LSM14A: variants seen among roughly 807,000 people sequenced by gnomAD.
LSM14A encodes LSM14A mRNA processing body assembly factor, also known as protein LSM14 homolog A.
LSM14A carries 14 observed loss-of-function variants against 52.4 expected under a neutral mutation model. That is an observed-to-expected ratio of 0.27 (90% CI 0.18 to 0.42). The LOEUF (loss-of-function observed/expected upper bound fraction) is 0.42, where lower values mean the gene tolerates loss of function less well. LSM14A is among the 10% of genes least tolerant of loss of function. The pLI is 1.00. For synonymous variants in LSM14A, 185 were observed against 200.3 expected (o/e 0.92, Z 0.64); for missense variants, 417 against 581.8 (o/e 0.72, Z 2.91).
chr19:34,225,539 G>T (rs1395010108), intron 9 of LSM14A, among the ~76,000 whole-genome samples: 12 of 152,104 alleles, frequency 7.9e-5, no homozygotes, highest in Admixed American at 7.9e-4. Context: ...TGTGGTTTGG[G>T]GGTAAGCATA....
intron 3 of LSM14A, among the ~76,000 whole-genome samples, chr19:34,205,487 C>CAAAAAAAAAAAAA (rs140536208): frequency 1.1e-5 from 1 of 95,186 alleles, no homozygotes; most frequent in African/African-American, 3.6e-5. Context: ...CTCCATCTCA[C>CAAAAAAAAAAAAA]AAAAAAAAAA....
intron 1 of LSM14A, among the ~76,000 whole-genome samples, chr19:34,192,801 C>A (rs1294628413): frequency 6.6e-6 from 1 of 151,606 alleles, no homozygotes; most frequent in Admixed American, 6.6e-5. Flanking sequence ...ATAGTGAAAC[C>A]CCATCTCCGC....
chr19:34,207,573 C>A (rs143980571), intron 3 of LSM14A, among the ~76,000 whole-genome samples: 1,984 of 151,372 alleles, frequency 0.013, 40 homozygotes, highest in African/African-American at 0.045. Context: ...ACTCTGTCAC[C>A]CAGGCTGGAG....
At chr19:34,184,149 G>A (rs950304235) in intron 1 of LSM14A, among the ~76,000 whole-genome samples, 4 of 148,278 alleles carry the variant, frequency 2.7e-5, no homozygotes, top group South Asian at 4.3e-4. Context: ...TCTGCCTCCC[G>A]GGTTCAAGTG....
chr19:34,207,977 C>T (rs1486150577), intron 3 of LSM14A, among the ~76,000 whole-genome samples: 2 of 152,038 alleles, frequency 1.3e-5, no homozygotes, highest in East Asian at 3.9e-4. Flanking sequence ...GAGCAAATTG[C>T]AAGGGGCATG....
At chr19:34,203,924 C>G (rs1244764038) in intron 3 of LSM14A, among the ~76,000 whole-genome samples, 1 of 128,008 alleles carries the variant, frequency 7.8e-6, no homozygotes, top group African/African-American at 3.0e-5. Flanking sequence ...AAAAAAAAGA[C>G]AAGGCCCAAC....
chr19:34,191,077 C>G (rs1362168748), intron 1 of LSM14A, among the ~76,000 whole-genome samples: 3 of 152,066 alleles, frequency 2.0e-5, no homozygotes, highest in Non-Finnish European at 4.4e-5. Context: ...TGCTGTAGTA[C>G]TTTTTCATGA....
At chr19:34,214,742 G>A (rs144047198) in intron 4 of LSM14A, among the ~76,000 whole-genome samples, 13 of 151,762 alleles carry the variant, frequency 8.6e-5, no homozygotes, top group Admixed American at 5.9e-4. Context: ...TGTCATTGGC[G>A]AAAGCCTGTG....
intron 9 of LSM14A, among the ~76,000 whole-genome samples, chr19:34,222,110 A>C (rs1433623088): frequency 6.6e-6 from 1 of 152,220 alleles, no homozygotes; most frequent in Non-Finnish European, 1.5e-5. Flanking sequence ...AACTTATTTA[A>C]ACTGCACATC....
At chr19:34,206,897 G>C (rs886514851) in intron 3 of LSM14A, among the ~76,000 whole-genome samples, 2 of 152,128 alleles carry the variant, frequency 1.3e-5, no homozygotes, top group African/African-American at 4.8e-5. Context: ...TCAGGACTGC[G>C]AAGCTGCAAC....
Position 34,227,677 on chromosome 19 carries a change from A to G in LSM14A, c.*289A>G, listed in dbSNP as rs2073411338. ...TAAAGCAGTACTTCAGTGGGACTTAACAAGTATTTTTTCATCACTGAAAGG... is the reference window on the plus strand; with the variant it reads ...TAAAGCAGTACTTCAGTGGGACTTAGCAAGTATTTTTTCATCACTGAAAGG... On this transcript the variant is annotated 3_prime_UTR_variant, in exon 10 of 10. Transcript: ENST00000544216. The G allele has an allele frequency of 2.9e-6, 1 of 342,190 alleles. No individual in the cohort carries two copies. Among genetic ancestry groups the G allele is most frequent in the Non-Finnish European group, 5.2e-6 (1 of 191,986 alleles). 21.2% of individuals were successfully genotyped at this position (342,190 alleles called of 1,614,324 possible).
intron 3 of LSM14A, among the ~76,000 whole-genome samples, chr19:34,203,484 T>C (rs1018404932): frequency 2.6e-5 from 4 of 151,952 alleles, no homozygotes; most frequent in African/African-American, 9.7e-5. Flanking sequence ...GTTTCAACCA[T>C]TATGGATGTT....
intron 1 of LSM14A, among the ~76,000 whole-genome samples, chr19:34,180,799 A>G (rs2069425240): frequency 6.6e-6 from 1 of 152,232 alleles, no homozygotes; most frequent in Non-Finnish European, 1.5e-5. Context: ...GATTATATCA[A>G]CACAGATGTG....
intron 1 of LSM14A, among the ~76,000 whole-genome samples, chr19:34,178,595 C>T (rs1323772898): frequency 6.6e-6 from 1 of 152,184 alleles, no homozygotes; most frequent in East Asian, 1.9e-4. Flanking sequence ...TCTGTCTTCA[C>T]CTTCCCCTTC....
intron 6 of LSM14A, among the ~76,000 whole-genome samples, chr19:34,216,793 C>G (rs1224035890): frequency 6.6e-6 from 1 of 152,148 alleles, no homozygotes; most frequent in African/African-American, 2.4e-5. Flanking sequence ...TGAGTATTTC[C>G]TGCTAGAAGG....
At chr19:34,213,706 C>G (rs1246116081) in intron 4 of LSM14A, among the ~76,000 whole-genome samples, 1 of 152,214 alleles carries the variant, frequency 6.6e-6, no homozygotes, top group Non-Finnish European at 1.5e-5. Flanking sequence ...TTCTTCAGTT[C>G]ATGCTGTGAC....
chr19:34,194,758 C>T, intron 2 of LSM14A, 117 bp downstream of exon 2: 2 of 892,308 alleles, frequency 2.2e-6, no homozygotes, highest in Non-Finnish European at 3.6e-6. Context: ...TACTGGGATA[C>T]CTGAAATTAC....
intron 1 of LSM14A, among the ~76,000 whole-genome samples, chr19:34,191,078 T>C (rs1216129837): frequency 6.6e-6 from 1 of 152,226 alleles, no homozygotes; most frequent in Non-Finnish European, 1.5e-5. Context: ...GCTGTAGTAC[T>C]TTTTCATGAC....
In LSM14A at chr19:34,221,712, C is replaced by T. The variant is rs1017660295; in HGVS notation, c.1342C>T (p.Arg448Trp). The T allele has an allele frequency of 6.2e-6, 10 of 1,612,820 alleles. No individual in the cohort carries two copies. Among genetic ancestry groups the T allele is most frequent in the Non-Finnish European group, 7.6e-6 (9 of 1,179,196 alleles). ...TGGATTCAGAGGAGGTCGTGGGGGC[C>T]GGGAGTTTGCGGATTTTGAATATAG... is the stretch of plus-strand genomic sequence containing the variant. ...RGGFRGGRGG[R>W]EFADFEYRKD... Residue 448 changes from arginine to tryptophan, a missense_variant, in exon 9 of 10, where the codon CGG becomes TGG. Arg to Trp is a moderately radical substitution (Grantham distance 101, BLOSUM62 -3). Transcript: ENST00000544216.
Sources: gnomAD v4.1 joint callset for allele counts (sites outside exome capture counted in the v4.1 genomes callset) on GRCh38, gnomAD v4.1.1 for gene constraint, MANE v1.5 for transcripts, NCBI Gene and HGNC (gene_info 2026-07-23, HGNC 2026-07-21) for gene names.